SEM1: variants seen among roughly 807,000 people sequenced by gnomAD.
SEM1 encodes SEM1 26S proteasome subunit.
A neutral mutation model predicts 12.7 loss-of-function variants in SEM1; 3 were observed. That is an observed-to-expected ratio of 0.24 (90% CI 0.11 to 0.61). The LOEUF is 0.61. Among genes scored for constraint, SEM1 ranks in the 20% least tolerant of loss-of-function variants. The pLI, the probability that SEM1 is intolerant of heterozygous loss-of-function variation, is 0.88. For synonymous variants in SEM1, 30 were observed against 27.8 expected, an observed-to-expected ratio of 1.08 and a Z score of -0.25; for missense variants, 59 against 81.3, an observed-to-expected ratio of 0.73 and a Z score of 1.06.
At chr7:96,679,713 T>C (rs1349452994) in intron 2 of SEM1, among the ~76,000 whole-genome samples, 1 of 152,128 alleles carries the variant, frequency 6.6e-6, no homozygotes, top group Non-Finnish European at 1.5e-5. Flanking sequence ...TTACACAGAT[T>C]TGTGACTCAC....
At chr7:96,483,503 A>G (rs1028763199) in exon 4 of SEM1, 20 of 259,182 alleles carry the variant, frequency 7.7e-5, no homozygotes, top group Non-Finnish European at 1.2e-4. Flanking sequence ...GCTTAACCCA[A>G]CAAAAGCATT....
intron 2 of SEM1, among the ~76,000 whole-genome samples, chr7:96,585,938 C>T (rs1258055348): frequency 2.0e-5 from 3 of 152,214 alleles, no homozygotes; most frequent in African/African-American, 7.2e-5. Flanking sequence ...CTGCATCACT[C>T]ATGCTGGGAG....
rs73708348 is a variant in SEM1, at chr7:96,550,708, T to C, written c.171-44010A>G. Among the ~76,000 whole-genome samples the C allele has an allele frequency of 3.6e-3, 549 of 152,150 alleles. 6 individuals carry two copies. Among genetic ancestry groups the C allele is most frequent in the African/African-American group, 0.012 (507 of 41,492 alleles). ...TTTTATTATGCTGTGCTTCCTTGAG[T>C]GAGAGGAAAAAGGAAAGGGTTTAAG... On this transcript the variant is annotated intron_variant and NMD_transcript_variant, in intron 2 of 3. Coordinates refer to the SEM1 transcript ENST00000466986.
intron 2 of SEM1, among the ~76,000 whole-genome samples, chr7:96,584,293 G>GC (rs1037792811): frequency 6.6e-6 from 1 of 152,044 alleles, no homozygotes; most frequent in Admixed American, 6.5e-5. Context: ...TTGAATATTG[G>GC]CCCCCACTCT....
chr7:96,609,192 T>C (rs953546359), intron 2 of SEM1, among the ~76,000 whole-genome samples: 5 of 152,160 alleles, frequency 3.3e-5, no homozygotes, highest in Non-Finnish European at 7.3e-5. Context: ...ACTTATGATA[T>C]TGAGCATCTG....
chr7:96,596,151 T>C (rs1806993240), intron 2 of SEM1, among the ~76,000 whole-genome samples: 1 of 152,244 alleles, frequency 6.6e-6, no homozygotes, highest in Non-Finnish European at 1.5e-5. Context: ...AAGGATCAGA[T>C]TGTTAGGGAA....
At chr7:96,521,826 G>A (rs188127436) in intron 2 of SEM1, among the ~76,000 whole-genome samples, 25 of 152,166 alleles carry the variant, frequency 1.6e-4, no homozygotes, top group African/African-American at 6.0e-4. Context: ...GCCATTCTCT[G>A]TGCAGAATTC....
At chr7:96,535,976 G>A (rs969869768) in intron 2 of SEM1, among the ~76,000 whole-genome samples, 10 of 151,708 alleles carry the variant, frequency 6.6e-5, no homozygotes, top group Admixed American at 3.3e-4. Context: ...GTACATATCC[G>A]GGAGTGGGAT....
chr7:96,680,651 G>C (rs1789583396), intron 2 of SEM1, among the ~76,000 whole-genome samples: 1 of 152,000 alleles, frequency 6.6e-6, no homozygotes, highest in South Asian at 2.1e-4. Flanking sequence ...TAACAAAGAG[G>C]GTAGGAGTAT....
chr7:96,648,098 A>G (rs555829682), intron 2 of SEM1, among the ~76,000 whole-genome samples: 15 of 152,352 alleles, frequency 9.8e-5, no homozygotes, highest in African/African-American at 3.6e-4. Flanking sequence ...ACATATTCAC[A>G]GGGAAAAATG....
chr7:96,597,144 C>CAGTAT, intron 2 of SEM1, among the ~76,000 whole-genome samples: 1 of 152,168 alleles, frequency 6.6e-6, no homozygotes, highest in East Asian at 1.9e-4. Context: ...ACTGAGCATA[C>CAGTAT]TGTCATAGTC....
At chr7:96,669,809 T>C (rs1244621007), downstream of SEM1, among the ~76,000 whole-genome samples, 1 of 152,210 alleles carries the variant, frequency 6.6e-6, no homozygotes, top group Non-Finnish European at 1.5e-5. Flanking sequence ...TATTACTTTA[T>C]CTCTTTTCTT....
At chr7:96,612,492 G>T (rs1807570099) in intron 2 of SEM1, among the ~76,000 whole-genome samples, 1 of 152,124 alleles carries the variant, frequency 6.6e-6, no homozygotes, top group South Asian at 2.1e-4. Context: ...CTAGTAAAAG[G>T]TTCCCAAACC....
intron 1 of SEM1, among the ~76,000 whole-genome samples, chr7:96,488,701 G>A (rs1235917571): frequency 6.6e-6 from 1 of 152,068 alleles, no homozygotes; most frequent in Non-Finnish European, 1.5e-5. Flanking sequence ...CCAGCCATGT[G>A]GATTTTACCA....
downstream of SEM1, among the ~76,000 whole-genome samples, chr7:96,686,272 T>C (rs1789758503): frequency 6.6e-6 from 1 of 152,196 alleles, no homozygotes; most frequent in Non-Finnish European, 1.5e-5. Context: ...TTTATCATCC[T>C]GATGTCAAAT....
intron 2 of SEM1, among the ~76,000 whole-genome samples, chr7:96,558,469 A>G (rs1412685709): frequency 2.6e-5 from 4 of 152,184 alleles, no homozygotes; most frequent in African/African-American, 9.7e-5. Context: ...GCAAAGTAGT[A>G]AACTTAGATC....
At chr7:96,656,174 G>A (rs1016933170) in intron 2 of SEM1, among the ~76,000 whole-genome samples, 1 of 152,066 alleles carries the variant, frequency 6.6e-6, no homozygotes, top group Non-Finnish European at 1.5e-5. Context: ...TTTTTTTGCT[G>A]TTGGTGACAG....
chr7:96,591,542 A>G (rs867080351), intron 2 of SEM1, among the ~76,000 whole-genome samples: 15 of 152,064 alleles, frequency 9.9e-5, no homozygotes, highest in Admixed American at 1.3e-4. Flanking sequence ...CTTAGCAACA[A>G]TATAGCTAGC....
At position 96,650,392 on chromosome 7, in the gene SEM1, T is replaced by A. The variant is rs1428206250; in HGVS notation, c.171-27749A>T. 6 of 663,778 alleles carry A rather than the reference T, an allele frequency of 9.0e-6. No individual in the cohort carries two copies. The African/African-American group carries it at 1.1e-4, about 12-fold the overall frequency. 41.1% of individuals were successfully genotyped at this position (663,778 alleles called of 1,614,324 possible). A position where few individuals can be genotyped will look rare whatever the true frequency, so the allele number is the denominator to read the frequency against. On this transcript the variant is annotated intron_variant, in intron 2 of 2. Transcript: ENST00000417009. ...CTCTGAAAGGGAACAGGTTCCAGCC[T>A]CCTGGGCATGTTCTCCAGGCAGTAG...
Sources: gnomAD v4.1 joint callset for allele counts (sites outside exome capture counted in the v4.1 genomes callset) on GRCh38, gnomAD v4.1.1 for gene constraint, MANE v1.5 for transcripts, NCBI Gene and HGNC (gene_info 2026-07-23, HGNC 2026-07-21) for gene names.